Variants in SYN2 observed in about 807,000 individuals in gnomAD.
The protein encoded by SYN2 is synapsin-2.
A neutral mutation model predicts 50.9 loss-of-function variants in SYN2; 19 were observed. The ratio of observed to expected loss-of-function variants is 0.37; its 90% CI spans 0.26 to 0.55. The LOEUF is 0.55. SYN2 is among the 20% of genes least tolerant of loss of function. The probability of loss-of-function intolerance (pLI) is 0.81; values close to 1 mark genes in which losing one functional copy is unlikely to be tolerated. For synonymous variants in SYN2, 255 were observed against 224.9 expected, an observed-to-expected ratio of 1.13 and a Z score of -1.20; for missense variants, 587 against 576.4, an observed-to-expected ratio of 1.02 and a Z score of -0.19.
chr3:12,106,289 ACT>A (rs1294011261), intron 1 of SYN2, among the ~76,000 whole-genome samples: 6 of 151,148 alleles, frequency 4.0e-5, no homozygotes, highest in Admixed American at 4.0e-4. Context: ...GCTGGAGAAA[ACT>A]CTCTGCTTTT....
chr3:12,181,319 G>A (rs151324238), intron 10 of SYN2, among the ~76,000 whole-genome samples: 115 of 152,346 alleles, frequency 7.5e-4, no homozygotes, highest in African/African-American at 2.7e-3. Context: ...AGAGACCAGC[G>A]AGAGCCAGTC....
chr3:12,126,922 T>G (rs1476436037), intron 1 of SYN2, among the ~76,000 whole-genome samples: 1 of 152,192 alleles, frequency 6.6e-6, no homozygotes, highest in East Asian at 1.9e-4. Flanking sequence ...TCTTCTTTGT[T>G]TTAGAGCAGG....
chr3:12,054,293 G>A (rs1173062434), intron 1 of SYN2, among the ~76,000 whole-genome samples: 2 of 151,890 alleles, frequency 1.3e-5, no homozygotes, highest in Admixed American at 6.5e-5. Context: ...TCCTCCCCAT[G>A]CTTCCTGGTT....
intron 11 of SYN2, chr3:12,184,702 C>T (rs149403799): frequency 6.5e-5 from 64 of 985,880 alleles, no homozygotes; most frequent in Non-Finnish European, 7.3e-5. Context: ...GAATCCTCAC[C>T]AGTTTGTTCT....
chr3:12,183,296 C>T lies in SYN2; in HGVS notation c.1309-16C>T. 2 of 1,595,118 alleles carry T rather than the reference C, an allele frequency of 1.3e-6. No individual in the cohort carries two copies. The highest frequency in any genetic ancestry group is 2.2e-5 in the East Asian group (1 of 44,714). On this transcript the variant is annotated splice_polypyrimidine_tract_variant and intron_variant, in intron 10 of 12. Coordinates refer to ENST00000621198, the MANE Select transcript of SYN2 (RefSeq NM_133625.6). The stretch of plus-strand genomic sequence containing the variant: ...CTTGGAGTTTTGTTTTTATCTCTTA[C>T]ATTTTTGTCTTCCAGAGCGGAACAC...
intron 10 of SYN2, among the ~76,000 whole-genome samples, chr3:12,173,127 C>T (rs992045196): frequency 6.6e-6 from 1 of 152,230 alleles, no homozygotes; most frequent in African/African-American, 2.4e-5. Context: ...TATTAGCTTC[C>T]TTCTGAGCCT....
chr3:12,166,350 T>C (rs540239620), intron 7 of SYN2, among the ~76,000 whole-genome samples: 4 of 152,370 alleles, frequency 2.6e-5, no homozygotes, highest in Admixed American at 6.5e-5. Flanking sequence ...TTTGGGTGTT[T>C]ATAGTTAATT....
intron 10 of SYN2, among the ~76,000 whole-genome samples, chr3:12,171,580 A>T (rs574224732): frequency 3.3e-5 from 5 of 152,336 alleles, no homozygotes; most frequent in Admixed American, 2.0e-4. Context: ...GTACTTATAA[A>T]AGTGTAAACT....
intron 1 of SYN2, among the ~76,000 whole-genome samples, chr3:12,104,964 A>G (rs551607900): frequency 1.3e-5 from 2 of 152,216 alleles, no homozygotes; most frequent in South Asian, 4.1e-4. Flanking sequence ...CTTTTTGACA[A>G]TCTTTTCTTG....
chr3:12,151,856 C>T (rs890761613), intron 5 of SYN2, among the ~76,000 whole-genome samples: 1 of 152,208 alleles, frequency 6.6e-6, no homozygotes, highest in Non-Finnish European at 1.5e-5. Flanking sequence ...GCTTCCACAA[C>T]TGTGATAAGG....
chr3:12,057,028 C>T (rs1199315965), intron 1 of SYN2, among the ~76,000 whole-genome samples: 8 of 152,132 alleles, frequency 5.3e-5, no homozygotes, highest in African/African-American at 1.7e-4. Flanking sequence ...TGGTGGCTCA[C>T]GCCTGTAATC....
At chr3:12,096,474 C>T (rs1695936783) in intron 1 of SYN2, among the ~76,000 whole-genome samples, 1 of 151,956 alleles carries the variant, frequency 6.6e-6, no homozygotes, top group Non-Finnish European at 1.5e-5. Context: ...GACATTTTCA[C>T]AAAGTTAAAT....
intron 5 of SYN2, among the ~76,000 whole-genome samples, chr3:12,160,042 CAAA>C (rs3079818): frequency 8.9e-5 from 6 of 67,612 alleles, no homozygotes; most frequent in African/African-American, 1.3e-4. Context: ...GACTCCGTCT[CAAA>C]AAAAAAAAAA....
At chr3:12,173,652 A>G (rs1454026847) in intron 10 of SYN2, among the ~76,000 whole-genome samples, 5 of 152,154 alleles carry the variant, frequency 3.3e-5, no homozygotes, top group Non-Finnish European at 7.3e-5. Flanking sequence ...GCAGTGACTC[A>G]CGCCTGTAAT....
chr3:12,009,399 A>G (rs982767543), intron 1 of SYN2, among the ~76,000 whole-genome samples: 4 of 151,468 alleles, frequency 2.6e-5, no homozygotes, highest in African/African-American at 7.3e-5. Flanking sequence ...TTTAACTTTT[A>G]TATTTTTCCA....
intron 11 of SYN2, chr3:12,183,838 A>G: frequency 9.9e-7 from 1 of 1,013,450 alleles, no homozygotes; most frequent in South Asian, 3.9e-5. Context: ...AGAAAACCCA[A>G]CTCCTCTCCT....
chr3:12,098,792 A>C (rs1696001735), intron 1 of SYN2, among the ~76,000 whole-genome samples: 2 of 150,492 alleles, frequency 1.3e-5, no homozygotes, highest in Non-Finnish European at 3.0e-5. Context: ...TGATTCAACT[A>C]TATGCTGTCT....
At chr3:12,151,762 C>T (rs779082376) in intron 5 of SYN2, among the ~76,000 whole-genome samples, 1 of 152,150 alleles carries the variant, frequency 6.6e-6, no homozygotes, top group Non-Finnish European at 1.5e-5. Flanking sequence ...TAAGTAATAG[C>T]TTCTGGGAAA....
chr3:12,083,213 T>G (rs569665556), intron 1 of SYN2, among the ~76,000 whole-genome samples: 1 of 152,336 alleles, frequency 6.6e-6, no homozygotes, highest in East Asian at 1.9e-4. Flanking sequence ...GGTTTCACTA[T>G]GTTGGCTAGG....
Sources: gnomAD v4.1 joint callset for allele counts (sites outside exome capture counted in the v4.1 genomes callset) on GRCh38, gnomAD v4.1.1 for gene constraint, MANE v1.5 for transcripts, NCBI Gene and HGNC (gene_info 2026-07-23, HGNC 2026-07-21) for gene names.